OTUD7A: variants seen among roughly 807,000 people sequenced by gnomAD.
OTUD7A encodes OTU domain-containing protein 7A.
Under a neutral mutation model 65.7 loss-of-function variants are expected in OTUD7A, and 12 were observed. The ratio of observed to expected loss-of-function variants is 0.18; its 90% CI spans 0.12 to 0.30. The LOEUF is 0.30. Ranked by LOEUF, OTUD7A falls within the 10% of genes least tolerant of loss-of-function variation. The pLI, the probability that OTUD7A is intolerant of heterozygous loss-of-function variation, is 1.00. For missense variants in OTUD7A, 1,148 were observed against 1,304.8 expected (o/e 0.88, Z 1.85); for synonymous variants, 641 against 586.3 (o/e 1.09, Z -1.35).
At chr15:31,862,926 C>T (rs969891227) in intron 1 of OTUD7A, among the ~76,000 whole-genome samples, 3 of 152,140 alleles carry the variant, frequency 2.0e-5, no homozygotes, top group Admixed American at 6.5e-5. Context: ...AAATCAAAAG[C>T]GAGCTACTTA....
In OTUD7A at chr15:31,479,933, G is replaced by A. The variant is rs1323683902; in HGVS notation, c.*3361C>T. On this transcript the variant is annotated 3_prime_UTR_variant, in exon 13 of 13. Transcript: ENST00000307050. The stretch of plus-strand genomic sequence containing the variant: ...TGAATACAAAGTATTCATTTAAGAG[G>A]AAAGGTGCAGTACCAAAATCCATGA... 5 of 152,164 alleles carry A rather than the reference G, an allele frequency of 3.3e-5. No individual in the cohort carries two copies. Among genetic ancestry groups the A allele is most frequent in the Non-Finnish European group, 7.3e-5 (5 of 68,030 alleles). The allele number at this position is 152,164 out of a possible 1,614,324, so 9.4% of individuals were successfully genotyped here. A position where few individuals can be genotyped will look rare whatever the true frequency, so the allele number is the denominator to read the frequency against.
chr15:31,658,402 T>G (rs1249965493), intron 1 of OTUD7A, among the ~76,000 whole-genome samples: 1 of 152,048 alleles, frequency 6.6e-6, no homozygotes, highest in Non-Finnish European at 1.5e-5. Context: ...TCACAGAGGG[T>G]TAAACTGGTG....
chr15:31,690,011 T>C (rs185619383), intron 1 of OTUD7A, among the ~76,000 whole-genome samples: 16 of 152,370 alleles, frequency 1.1e-4, no homozygotes, highest in African/African-American at 3.8e-4. Context: ...TTTTACCTTT[T>C]GAGGCCATTT....
chr15:31,708,868 C>T (rs1595718602), intron 1 of OTUD7A, among the ~76,000 whole-genome samples: 2 of 151,282 alleles, frequency 1.3e-5, no homozygotes, highest in Admixed American at 1.3e-4. Context: ...GGGGAGGAAG[C>T]TGGGGAAGGA....
chr15:31,779,692 C>A (rs903697986), intron 1 of OTUD7A, among the ~76,000 whole-genome samples: 1 of 152,076 alleles, frequency 6.6e-6, no homozygotes, highest in East Asian at 1.9e-4. Flanking sequence ...TCCTGAACAT[C>A]GGCCTAGGTT....
chr15:31,577,800 A>G (rs1595623991), intron 3 of OTUD7A, among the ~76,000 whole-genome samples: 1 of 147,462 alleles, frequency 6.8e-6, no homozygotes, highest in East Asian at 2.1e-4. Context: ...TCTAACTTAT[A>G]CATTTGATTT....
chr15:31,489,973 C>T (rs889344961), intron 10 of OTUD7A, among the ~76,000 whole-genome samples: 4 of 152,228 alleles, frequency 2.6e-5, no homozygotes, highest in Non-Finnish European at 4.4e-5. Context: ...GCTCTACGGA[C>T]ATGCCTGCTC....
chr15:31,685,264 C>T (rs891167508), intron 1 of OTUD7A, among the ~76,000 whole-genome samples: 3 of 152,154 alleles, frequency 2.0e-5, no homozygotes, highest in African/African-American at 7.2e-5. Context: ...AAGTTAACTC[C>T]AAATTTGGCA....
At chr15:31,715,247 C>T (rs567704607) in intron 1 of OTUD7A, among the ~76,000 whole-genome samples, 1 of 150,416 alleles carries the variant, frequency 6.6e-6, no homozygotes, top group South Asian at 2.2e-4. Context: ...AAGCCTTCGA[C>T]TGTCCTGCCT....
intron 1 of OTUD7A, among the ~76,000 whole-genome samples, chr15:31,687,348 G>A (rs1316751213): frequency 1.3e-5 from 2 of 152,200 alleles, no homozygotes; most frequent in South Asian, 2.1e-4. Context: ...GACACAGAGC[G>A]TGGGGCCTCT....
intron 1 of OTUD7A, among the ~76,000 whole-genome samples, chr15:31,719,993 T>A (rs1234474404): frequency 1.3e-5 from 2 of 152,228 alleles, no homozygotes; most frequent in African/African-American, 4.8e-5. Context: ...ATATGACACA[T>A]ATATACTATA....
At chr15:31,834,018 G>A (rs569515785) in intron 1 of OTUD7A, among the ~76,000 whole-genome samples, 87 of 152,332 alleles carry the variant, frequency 5.7e-4, no homozygotes, top group African/African-American at 2.0e-3. Flanking sequence ...TTTAGCTGCT[G>A]TAAAGCTTCC....
At chr15:31,735,921 G>A (rs1894177519) in intron 1 of OTUD7A, among the ~76,000 whole-genome samples, 1 of 152,212 alleles carries the variant, frequency 6.6e-6, no homozygotes, top group African/African-American at 2.4e-5. Flanking sequence ...GGACATGGAT[G>A]GAGCTGGAGG....
intron 3 of OTUD7A, among the ~76,000 whole-genome samples, chr15:31,646,098 A>G (rs1891654014): frequency 6.6e-6 from 1 of 152,188 alleles, no homozygotes. Flanking sequence ...CATGACTCTG[A>G]ATCTGAGGGC....
At chr15:31,577,415 T>G (rs1374363137) in intron 3 of OTUD7A, among the ~76,000 whole-genome samples, 1 of 152,162 alleles carries the variant, frequency 6.6e-6, no homozygotes, top group Non-Finnish European at 1.5e-5. Context: ...TTCAACAAAT[T>G]GCCAATTAGA....
At chr15:31,815,422 A>C (rs1053755264) in intron 1 of OTUD7A, among the ~76,000 whole-genome samples, 1 of 152,188 alleles carries the variant, frequency 6.6e-6, no homozygotes, top group Non-Finnish European at 1.5e-5. Context: ...CCATCCCTCA[A>C]GGGTGGCTGG....
At chr15:31,602,104 TG>T (rs201035249) in intron 3 of OTUD7A, among the ~76,000 whole-genome samples, 3,929 of 152,342 alleles carry the variant, frequency 0.026, 76 homozygotes, top group Middle Eastern at 0.061. Context: ...ACTCATTTTA[TG>T]AGGCCAGCAT....
chr15:31,578,702 C>T (rs193047262), intron 3 of OTUD7A, among the ~76,000 whole-genome samples: 161 of 152,316 alleles, frequency 1.1e-3, no homozygotes, highest in African/African-American at 3.8e-3. Context: ...CAGGCGCCTG[C>T]CACTACGCCC....
Position 31,510,530 on chromosome 15 carries a change from A to AACAT in OTUD7A, c.894-6716_894-6713dup, listed in dbSNP as rs563544183. 3.2e-3 allele frequency among the ~76,000 whole-genome samples: 441 copies of AACAT among 136,238 alleles called. 8 individuals carry two copies. The highest frequency in any genetic ancestry group is 0.011 in the African/African-American group (380 of 33,200). The allele number at this position is 136,238 out of a possible 152,430, so 89.4% of individuals were successfully genotyped here. A position where few individuals can be genotyped will look rare whatever the true frequency, so the allele number is the denominator to read the frequency against. On this transcript the variant is annotated intron_variant, in intron 8 of 12. Transcript: ENST00000307050. The stretch of plus-strand genomic sequence containing the variant: ...TACATATATATGTATATCTATATGT[A>AACAT]ACATACATATGTATATCTATATGTA...
Sources: gnomAD v4.1 joint callset for allele counts (sites outside exome capture counted in the v4.1 genomes callset) on GRCh38, gnomAD v4.1.1 for gene constraint, MANE v1.5 for transcripts, NCBI Gene and HGNC (gene_info 2026-07-23, HGNC 2026-07-21) for gene names.